Variants in BIN1 observed in about 807,000 individuals in gnomAD.
BIN1 encodes bridging integrator 1, also known as myc box-dependent-interacting protein 1.
In BIN1, 53 loss-of-function variants were observed where a neutral mutation model predicts 82.0. The ratio of observed to expected loss-of-function variants is 0.65; its 90% CI spans 0.52 to 0.81. BIN1 has a LOEUF of 0.81. BIN1 is among the 40% of genes least tolerant of loss of function. BIN1 has a pLI of 0.00. For synonymous variants in BIN1, 302 were observed against 328.0 expected (o/e 0.92, Z 0.86); for missense variants, 642 against 784.4 (o/e 0.82, Z 2.17).
At chr2:127,092,205 C>G (rs1033809502) in intron 1 of BIN1, among the ~76,000 whole-genome samples, 1 of 152,190 alleles carries the variant, frequency 6.6e-6, no homozygotes, top group South Asian at 2.1e-4. Flanking sequence ...CTTCCTCCCC[C>G]TAACCCTGCC....
chr2:127,065,727 G>T (rs1685080674), intron 7 of BIN1, among the ~76,000 whole-genome samples: 1 of 152,204 alleles, frequency 6.6e-6, no homozygotes, highest in Non-Finnish European at 1.5e-5. Flanking sequence ...ACCGCAGCTT[G>T]TCTGTGGGAA....
intron 1 of BIN1, among the ~76,000 whole-genome samples, chr2:127,104,274 C>T (rs1232207549): frequency 6.6e-6 from 1 of 152,224 alleles, no homozygotes; most frequent in Non-Finnish European, 1.5e-5. Flanking sequence ...CCTGGATGTG[C>T]CCTGCCGTGC....
chr2:127,089,421 A>G (rs1221330014), intron 1 of BIN1, among the ~76,000 whole-genome samples: 1 of 152,140 alleles, frequency 6.6e-6, no homozygotes, highest in Non-Finnish European at 1.5e-5. Context: ...GACTGCACTG[A>G]CCCAGGTGGG....
chr2:127,075,412 C>A (rs1481580552), intron 2 of BIN1, among the ~76,000 whole-genome samples: 2 of 152,184 alleles, frequency 1.3e-5, no homozygotes, highest in African/African-American at 4.8e-5. Flanking sequence ...CTTGTTCAAG[C>A]CTCTATTCTG....
intron 10 of BIN1, 78 bp downstream of exon 10, chr2:127,062,037 C>G: frequency 6.6e-7 from 1 of 1,505,064 alleles, no homozygotes; most frequent in Non-Finnish European, 9.0e-7. Context: ...CCAGGGAGGG[C>G]ACCAACAGGG....
chr2:127,088,982 G>A (rs977638692), intron 1 of BIN1, among the ~76,000 whole-genome samples: 4 of 152,168 alleles, frequency 2.6e-5, no homozygotes, highest in African/African-American at 9.7e-5. Context: ...AGAGTGGCAG[G>A]GGGCAGGGAG....
intron 7 of BIN1, among the ~76,000 whole-genome samples, chr2:127,065,366 G>C (rs1685023353): frequency 6.6e-6 from 1 of 152,082 alleles, no homozygotes; most frequent in South Asian, 2.1e-4. Context: ...AGGGACCCTG[G>C]GCACCCCACA....
intron 1 of BIN1, among the ~76,000 whole-genome samples, chr2:127,094,666 T>C (rs1679363183): frequency 6.6e-6 from 1 of 152,194 alleles, no homozygotes; most frequent in Non-Finnish European, 1.5e-5. Flanking sequence ...GCAGGCAGGG[T>C]GACCCGCAAG....
chr2:127,063,787 G>C lies in BIN1; in HGVS notation c.699-141C>G, dbSNP rs557844950. 4 of 1,398,154 alleles carry C rather than the reference G, an allele frequency of 2.9e-6. No homozygotes were observed. The East Asian group carries it at 9.5e-5, about 33-fold the overall frequency. The allele number at this position is 1,398,154 out of a possible 1,614,324, so 86.6% of individuals were successfully genotyped here. On this transcript the variant is annotated intron_variant, in intron 8 of 18. Coordinates refer to ENST00000316724, the MANE Select transcript of BIN1 (RefSeq NM_139343.3). ...CCCAGGCACCGCAGCACTCAGGCTG[G>C]ACACTGCAGCACACAGGCTGGGCAC...
In BIN1 at chr2:127,090,591, C is replaced by G. The variant is rs1475948295; in HGVS notation, c.85-13885G>C. 6.6e-6 allele frequency among the ~76,000 whole-genome samples: 1 copy of G among 152,224 alleles called. No homozygotes were observed. The highest frequency in any genetic ancestry group is 2.4e-5 in the African/African-American group (1 of 41,456). ...GTGGAATCTGCTTCTCCAGCCCACC[C>G]GCCTCCCACCCTCATCACCTGCTTC... is the stretch of plus-strand genomic sequence containing the variant. On this transcript the variant is annotated intron_variant, in intron 1 of 18. Coordinates refer to ENST00000316724, the MANE Select transcript of BIN1 (RefSeq NM_139343.3). The surrounding 1 kb of genome is among the most constrained non-coding windows in gnomAD (Gnocchi z 6.4).
At chr2:127,054,395 G>T in intron 12 of BIN1, 1 of 319,110 alleles carries the variant, frequency 3.1e-6, no homozygotes, top group Non-Finnish European at 6.1e-6. Context: ...ACCAATGCCC[G>T]AACCTCCTCT....
At chr2:127,081,831 C>A in intron 1 of BIN1, 1 of 1,288,224 alleles carries the variant, frequency 7.8e-7, no homozygotes, top group Non-Finnish European at 1.0e-6. Context: ...AAGGCCCTCA[C>A]CTTCCGCATC....
At chr2:127,051,047 A>C in intron 16 of BIN1, 107 bp downstream of exon 16, 2 of 1,537,740 alleles carry the variant, frequency 1.3e-6, no homozygotes, top group Middle Eastern at 2.1e-4. Context: ...CAGCTTCCTC[A>C]ACAGGAGCCA....
At chr2:127,061,231 C>A (rs1195558358) in intron 10 of BIN1, among the ~76,000 whole-genome samples, 2 of 147,212 alleles carry the variant, frequency 1.4e-5, no homozygotes, top group African/African-American at 5.1e-5. Context: ...ACCACCACCA[C>A]AACGCCACCG....
intron 2 of BIN1, 73 bp from the exon 3 acceptor site, chr2:127,070,889 A>G (rs1287295576): frequency 2.3e-5 from 34 of 1,471,772 alleles, no homozygotes; most frequent in Middle Eastern, 4.7e-4. Context: ...CCTTCCTGCC[A>G]CCCTCACGTG....
rs1248551629 is a variant in BIN1, at chr2:127,068,720, C to T, written c.519+204G>A. Reference sequence around the variant, plus strand: ...TCAGGGCTGAGGGGCCAGGGTGGCACGGGGGGCAGGAATGGGCCTAGGGTG... The same window carrying T: ...TCAGGGCTGAGGGGCCAGGGTGGCATGGGGGGCAGGAATGGGCCTAGGGTG... On this transcript the variant is annotated intron_variant, in intron 6 of 18. Transcript: ENST00000316724. This position sits in a 1 kb window ranked among gnomAD's most constrained non-coding sequence, Gnocchi z 4.9. Among the ~76,000 whole-genome samples the T allele has an allele frequency of 2.0e-5, 3 of 152,128 alleles. No homozygotes were observed. The highest frequency in any genetic ancestry group is 2.1e-4 in the South Asian group (1 of 4,824).
chr2:127,057,677 A>G lies in BIN1; in HGVS notation c.1003-76T>C. The G allele has an allele frequency of 1.4e-6, 2 of 1,433,018 alleles. No homozygotes were observed. Among genetic ancestry groups the G allele is most frequent in the Non-Finnish European group, 1.8e-6 (2 of 1,088,588 alleles). The allele number at this position is 1,433,018 out of a possible 1,614,324, so 88.8% of individuals were successfully genotyped here. ...CGGGGTTTGGGGGAGACAGACAGAG[A>G]CAAAGCCACGGTTAGTCACACCTCA... On this transcript the variant is annotated intron_variant, in intron 11 of 18. Coordinates refer to ENST00000316724, the MANE Select transcript of BIN1 (RefSeq NM_139343.3). This position sits in a 1 kb window ranked among gnomAD's most constrained non-coding sequence, Gnocchi z 5.0.
intron 14 of BIN1, 132 bp from the exon 15 acceptor site, chr2:127,052,494 C>T (rs1237841751): frequency 1.9e-5 from 15 of 805,032 alleles, no homozygotes; most frequent in Non-Finnish European, 2.8e-5. Context: ...TGGGTACCAG[C>T]GGAGCCCGGC....
chr2:127,097,309 C>G (rs57798157), intron 1 of BIN1, among the ~76,000 whole-genome samples: 6,982 of 151,960 alleles, frequency 0.046, 382 homozygotes, highest in East Asian at 0.18. Context: ...CCAGGCCCAG[C>G]AGTGTCATCC....
Sources: gnomAD v4.1 joint callset for allele counts (sites outside exome capture counted in the v4.1 genomes callset) on GRCh38, gnomAD v4.1.1 for gene constraint, Gnocchi (gnomAD v3.1) non-coding constraint, MANE v1.5 for transcripts, NCBI Gene and HGNC (gene_info 2026-07-23, HGNC 2026-07-21) for gene names.